Variants in DNER observed in about 807,000 individuals in gnomAD.
DNER encodes the protein delta/notch like EGF repeat containing, also known as delta and Notch-like epidermal growth factor-related receptor.
DNER carries 33 observed loss-of-function variants against 78.2 expected under a neutral mutation model. The ratio of observed to expected loss-of-function variants is 0.42; its 90% CI spans 0.32 to 0.56. The LOEUF (loss-of-function observed/expected upper bound fraction) is 0.56. Among genes scored for constraint, DNER ranks in the 20% least tolerant of loss-of-function variants. DNER has a pLI of 0.11. For missense variants in DNER, 918 were observed against 975.3 expected, an observed-to-expected ratio of 0.94 and a Z score of 0.78; for synonymous variants, 417 against 384.8, an observed-to-expected ratio of 1.08 and a Z score of -0.98.
intron 5 of DNER, among the ~76,000 whole-genome samples, chr2:229,535,525 G>C (rs1437384404): frequency 6.6e-6 from 1 of 152,094 alleles, no homozygotes; most frequent in East Asian, 1.9e-4. Flanking sequence ...GAGTCCACTG[G>C]TGCTTCGAAA....
intron 9 of DNER, 93 bp from the exon 10 acceptor site, chr2:229,407,438 C>T (rs149454007): frequency 1.0e-4 from 108 of 1,085,238 alleles, no homozygotes; most frequent in Non-Finnish European, 1.4e-4. Flanking sequence ...TGGAACAATG[C>T]GAGGGAGATT....
At chr2:229,430,820 C>T (rs1559349771) in intron 8 of DNER, among the ~76,000 whole-genome samples, 2 of 151,738 alleles carry the variant, frequency 1.3e-5, no homozygotes, top group Admixed American at 1.3e-4. Flanking sequence ...GAAATGATGA[C>T]CATTCTTTAT....
chr2:229,466,558 C>T (rs990241064), intron 7 of DNER, among the ~76,000 whole-genome samples: 1 of 152,148 alleles, frequency 6.6e-6, no homozygotes, highest in African/African-American at 2.4e-5. Context: ...CCTGATCATA[C>T]TGTCCATGCT....
Position 229,512,691 on chromosome 2 carries a change from C to T in DNER, c.1147+92G>A, listed in dbSNP as rs192517100. The T allele has an allele frequency of 4.7e-4, 720 of 1,523,758 alleles. 2 individuals are homozygous for T. In the African/African-American group the frequency reaches 9.2e-3, roughly 19 times the overall value. 94.4% of individuals were successfully genotyped at this position (1,523,758 alleles called of 1,614,324 possible). Reference sequence around the variant, plus strand: ...AACTTACTCATGTAACCAAGTACCACCTGTTCTCCAAAAACCTTTGTAAAT... The same window carrying T: ...AACTTACTCATGTAACCAAGTACCATCTGTTCTCCAAAAACCTTTGTAAAT... On this transcript the variant is annotated intron_variant, in intron 6 of 12. Transcript: ENST00000341772.
intron 5 of DNER, among the ~76,000 whole-genome samples, chr2:229,542,430 G>A (rs1173359745): frequency 1.3e-5 from 2 of 152,078 alleles, no homozygotes; most frequent in African/African-American, 4.8e-5. Flanking sequence ...TGTGAAATAC[G>A]CCCTCGCCCA....
At chr2:229,505,268 G>C (rs751364732) in intron 6 of DNER, among the ~76,000 whole-genome samples, 44 of 151,242 alleles carry the variant, frequency 2.9e-4, no homozygotes, top group Non-Finnish European at 6.0e-4. Context: ...AAGAGAGAGA[G>C]AGAAACCTAT....
At chr2:229,404,126 T>G (rs1055442300) in intron 10 of DNER, among the ~76,000 whole-genome samples, 2 of 152,082 alleles carry the variant, frequency 1.3e-5, no homozygotes, top group Admixed American at 1.3e-4. Context: ...GTGCTGACTC[T>G]GCAAAGAAGT....
At chr2:229,569,708 A>C (rs763301124) in intron 4 of DNER, among the ~76,000 whole-genome samples, 1 of 152,030 alleles carries the variant, frequency 6.6e-6, no homozygotes, top group Non-Finnish European at 1.5e-5. Flanking sequence ...TATTTGTATT[A>C]TTTTTGTTAC....
At chr2:229,672,592 A>T (rs1363045258) in intron 1 of DNER, among the ~76,000 whole-genome samples, 1 of 151,256 alleles carries the variant, frequency 6.6e-6, no homozygotes, top group Non-Finnish European at 1.5e-5. Context: ...GGAGAGAGAG[A>T]GGAAAAAGGA....
chr2:229,442,269 A>G (rs1294858448), intron 8 of DNER, among the ~76,000 whole-genome samples: 1 of 152,216 alleles, frequency 6.6e-6, no homozygotes, highest in African/African-American at 2.4e-5. Context: ...TAATCCCAGC[A>G]CTTTGGGAGG....
intron 12 of DNER, among the ~76,000 whole-genome samples, chr2:229,366,522 A>G (rs1692350124): frequency 6.6e-6 from 1 of 152,230 alleles, no homozygotes; most frequent in Non-Finnish European, 1.5e-5. Flanking sequence ...TTATATGTTG[A>G]CTGTTTGAAG....
intron 4 of DNER, among the ~76,000 whole-genome samples, chr2:229,563,335 CCAT>C (rs1353441061): frequency 1.4e-5 from 2 of 143,354 alleles, no homozygotes; most frequent in Non-Finnish European, 3.0e-5. Context: ...CACACCATGA[CCAT>C]CATCATCATC....
intron 8 of DNER, among the ~76,000 whole-genome samples, chr2:229,440,932 C>A (rs552428026): frequency 1.1e-4 from 17 of 152,208 alleles, no homozygotes; most frequent in Non-Finnish European, 1.8e-4. Context: ...TCTATCTTTT[C>A]ATCTCTTTTT....
rs147906779 is a variant in DNER, at chr2:229,561,913, G to A, written c.848-14821C>T. On this transcript the variant is annotated intron_variant, in intron 4 of 12. Coordinates refer to ENST00000341772, the MANE Select transcript of DNER (RefSeq NM_139072.4). Reference sequence around the variant, plus strand: ...CAGTGAGACAAAGTACAGAAATACCGTATTGTACATTTACAAGGACCGAGC... The same window carrying A: ...CAGTGAGACAAAGTACAGAAATACCATATTGTACATTTACAAGGACCGAGC... Among the ~76,000 whole-genome samples, 198 of 149,740 alleles carry A rather than the reference G, an allele frequency of 1.3e-3. 1 individual carries two copies. The South Asian group carries it at 0.02, about 15-fold the overall frequency.
At chr2:229,576,036 T>C (rs1024820994) in intron 4 of DNER, among the ~76,000 whole-genome samples, 3 of 152,188 alleles carry the variant, frequency 2.0e-5, no homozygotes, top group African/African-American at 7.2e-5. Flanking sequence ...GCTTTTGTTC[T>C]TTTCAAACTA....
intron 1 of DNER, among the ~76,000 whole-genome samples, chr2:229,625,427 C>A (rs1320680743): frequency 1.3e-5 from 2 of 152,146 alleles, no homozygotes; most frequent in African/African-American, 4.8e-5. Context: ...TCAACCCAGC[C>A]TCCTCCACTG....
chr2:229,714,128 C>T lies in DNER; in HGVS notation c.276+20G>A, dbSNP rs1699953955. ...GGTCCCGGACCAGCGCCCCGCACCGCGCCCGCCGCTTCCACTCACCTGGCA... is the reference window on the plus strand; with the variant it reads ...GGTCCCGGACCAGCGCCCCGCACCGTGCCCGCCGCTTCCACTCACCTGGCA... On this transcript the variant is annotated intron_variant, in intron 1 of 12. Coordinates refer to ENST00000341772, the MANE Select transcript of DNER (RefSeq NM_139072.4). 2 of 1,291,180 alleles carry T rather than the reference C, an allele frequency of 1.5e-6. No individual in the cohort carries two copies. The highest frequency in any genetic ancestry group is 1.5e-5 in the African/African-American group (1 of 64,608). 80.0% of individuals were successfully genotyped at this position (1,291,180 alleles called of 1,614,324 possible).
intron 1 of DNER, among the ~76,000 whole-genome samples, chr2:229,706,669 G>A (rs540873328): frequency 5.3e-5 from 8 of 152,228 alleles, no homozygotes; most frequent in Admixed American, 3.9e-4. Flanking sequence ...TTACGCAAAC[G>A]TATGTGGCTG....
At chr2:229,490,341 T>C (rs1695372929) in intron 6 of DNER, among the ~76,000 whole-genome samples, 1 of 152,184 alleles carries the variant, frequency 6.6e-6, no homozygotes, top group East Asian at 1.9e-4. Context: ...CAAGTGTCTG[T>C]CAGCGCATAA....
Sources: gnomAD v4.1 joint callset for allele counts (sites outside exome capture counted in the v4.1 genomes callset) on GRCh38, gnomAD v4.1.1 for gene constraint, MANE v1.5 for transcripts, NCBI Gene and HGNC (gene_info 2026-07-23, HGNC 2026-07-21) for gene names.